Variants in GOLGB1 observed in about 807,000 individuals in gnomAD.
GOLGB1 encodes the protein golgin subfamily B member 1.
A neutral mutation model predicts 336.9 loss-of-function variants in GOLGB1; 174 were observed. The observed-to-expected ratio is 0.52, with a 90% CI of 0.46 to 0.59. The LOEUF is 0.59. GOLGB1 is among the 20% of genes least tolerant of loss of function. GOLGB1 has a pLI of 0.00. For synonymous variants in GOLGB1, 1,208 were observed against 1,289.2 expected, an observed-to-expected ratio of 0.94 and a Z score of 1.35; for missense variants, 3,331 against 3,645.3, an observed-to-expected ratio of 0.91 and a Z score of 2.22.
Position 121,696,122 on chromosome 3 carries a change from A to C in GOLGB1, c.4401T>G (p.Cys1467Trp), listed in dbSNP as rs1171747809. The change falls in exon 13 of 22, where the codon TGT (cysteine) becomes TGG (tryptophan). Residue 1467 changes from cysteine to tryptophan, a missense_variant. Cys to Trp is a radical substitution (Grantham distance 215). Coordinates refer to ENST00000614479, the MANE Select transcript of GOLGB1 (RefSeq NM_001366282.2). ...ERIKQLQVEL[C>W]EMKQKPEEIG... ...TCTCTTCTGGTTTTTGCTTCATTTC[A>C]CAAAGTTCCACCTGTAGCTGCTTTA... 6.2e-7 allele frequency: 1 copy of C among 1,613,812 alleles called. No individual in the cohort carries two copies. The highest frequency in any genetic ancestry group is 2.2e-5 in the East Asian group (1 of 44,886).
chr3:121,729,293 A>G lies in GOLGB1; in HGVS notation c.297T>C (p.His99=). Residue 99 remains histidine, a synonymous_variant, in exon 4 of 22, where the codon CAT becomes CAC. Transcript: ENST00000614479. The stretch of plus-strand genomic sequence containing the variant: ...TCAAAGAAGTTAATTTGGCCTTCGC[A>G]TGAAGTTTTAGTTTTTTAATTTTGT... ...ADNKIKKLKL[H]AKAKLTSLNK... 1 of 1,613,038 alleles carries G rather than the reference A, an allele frequency of 6.2e-7. No homozygotes were observed. Among genetic ancestry groups the G allele is most frequent in the Non-Finnish European group, 8.5e-7 (1 of 1,179,158 alleles).
intron 10 of GOLGB1, 64 bp downstream of exon 10, chr3:121,714,797 C>G: frequency 9.9e-7 from 1 of 1,012,296 alleles, no homozygotes; most frequent in Non-Finnish European, 1.6e-6. Flanking sequence ...CTCATTAGAG[C>G]ACCGAAGTAC....
At chr3:121,677,215 A>C (rs982039541) in intron 16 of GOLGB1, 70 bp downstream of exon 16, 17 of 1,348,938 alleles carry the variant, frequency 1.3e-5, no homozygotes, top group Admixed American at 2.1e-5. Flanking sequence ...AAAAAAAACA[A>C]AACCCTGCAA....
rs1560238364 is a variant in GOLGB1, at chr3:121,697,109, A to G, written c.3414T>C (p.Ser1138=). 8 of 1,613,976 alleles carry G rather than the reference A, an allele frequency of 5.0e-6. No individual in the cohort carries two copies. Among genetic ancestry groups the G allele is most frequent in the Non-Finnish European group, 6.8e-6 (8 of 1,179,966 alleles). ...QKLITSNTDA[S]DGDSVALVKE... ...TTACAAGTGCTACGGAGTCCCCATC[A>G]CTTGCATCCGTGTTACTTGTGATTA... Residue 1138 remains serine (S), a synonymous_variant, in exon 13 of 22, where the codon AGT becomes AGC. Coordinates refer to ENST00000614479, the MANE Select transcript of GOLGB1 (RefSeq NM_001366282.2).
rs569617472 is a variant in GOLGB1, at chr3:121,745,322, G to A, written c.-3+4310C>T. ...TGTATGTATATATACATATGTACAC[G>A]TGTATGTATATATACATATGTACAC... is the stretch of plus-strand genomic sequence containing the variant. On this transcript the variant is annotated intron_variant, in intron 1 of 21. Transcript: ENST00000614479. Among the ~76,000 whole-genome samples the A allele has an allele frequency of 3.5e-4, 51 of 147,390 alleles. 1 individual carries two copies. Among genetic ancestry groups the A allele is most frequent in the African/African-American group, 1.1e-3 (43 of 39,602 alleles).
At chr3:121,707,606 C>T (rs1051564132) in intron 10 of GOLGB1, among the ~76,000 whole-genome samples, 1 of 149,942 alleles carries the variant, frequency 6.7e-6, no homozygotes, top group Non-Finnish European at 1.5e-5. Flanking sequence ...GCACTGTAGC[C>T]TGGGTGACAA....
At chr3:121,701,678 A>G (rs1943423086) in intron 11 of GOLGB1, among the ~76,000 whole-genome samples, 2 of 152,140 alleles carry the variant, frequency 1.3e-5, no homozygotes, top group South Asian at 4.1e-4. Context: ...ACAATCCAAT[A>G]GGATAAAATG....
rs201970178 is a variant in GOLGB1, at chr3:121,691,396, A to T, written c.7968T>A (p.Ser2656=). 6 of 1,613,618 alleles carry T rather than the reference A, an allele frequency of 3.7e-6. No individual in the cohort carries two copies. In the Admixed American group the frequency reaches 6.7e-5, roughly 18 times the overall value. The change falls in exon 14 of 22, where the codon TCT becomes TCA. Residue 2656 remains serine (S), a synonymous_variant. Coordinates refer to ENST00000614479, the MANE Select transcript of GOLGB1 (RefSeq NM_001366282.2). ...CTTCCAGTTCTGCAATTCTCTTTTG[A>T]GAGGAGGAAAACAAAGCACTTAACC... The part of the protein sequence containing the change: ...VHRLSALFSS[S]QKRIAELEEE...
intron 5 of GOLGB1, among the ~76,000 whole-genome samples, chr3:121,724,184 A>G (rs896312156): frequency 6.6e-6 from 1 of 152,210 alleles, no homozygotes; most frequent in Non-Finnish European, 1.5e-5. Flanking sequence ...AGCTCAAAAA[A>G]AAAATGCCTA....
rs1385693496 is a variant in GOLGB1 at position 121,696,771 on chromosome 3, C to T, written c.3752G>A (p.Gly1251Glu). The stretch of plus-strand genomic sequence containing the variant: ...CTGCTGGTCTGTGCTTGGGAGTTTT[C>T]CGTCTATGGATTCCCTTACTTGAAT... ...LQIQVRESID[G>E]KLPSTDQQES... Residue 1251 changes from glycine to glutamate, a missense_variant, in exon 13 of 22, where the codon GGA becomes GAA. Coordinates refer to ENST00000614479, the MANE Select transcript of GOLGB1 (RefSeq NM_001366282.2). 8 of 1,613,960 alleles carry T rather than the reference C, an allele frequency of 5.0e-6. No homozygotes were observed. The highest frequency in any genetic ancestry group is 6.8e-6 in the Non-Finnish European group (8 of 1,179,988).
At chr3:121,705,319 T>G (rs1210924515) in intron 10 of GOLGB1, among the ~76,000 whole-genome samples, 1 of 152,240 alleles carries the variant, frequency 6.6e-6, no homozygotes. Flanking sequence ...ACCCAATAGA[T>G]GACTTTTGCT....
At chr3:121,740,439 T>C (rs1449357757) in intron 1 of GOLGB1, among the ~76,000 whole-genome samples, 1 of 152,152 alleles carries the variant, frequency 6.6e-6, no homozygotes, top group Admixed American at 6.5e-5. Flanking sequence ...CTGAATTGAA[T>C]CCTGGAACAG....
Position 121,694,734 on chromosome 3 carries a change from C to T in GOLGB1, c.5789G>A (p.Arg1930Lys). Residue 1930 changes from arginine to lysine, a missense_variant, in exon 13 of 22, where the codon AGG becomes AAG. Arg to Lys is a conservative substitution (Grantham distance 26). Transcript: ENST00000614479. ...AEEEKDDLEE[R>K]LMNQLAELNG... The stretch of plus-strand genomic sequence containing the variant: ...AAGTTCTGCTAATTGATTCATAAGC[C>T]TCTCTTCCAAATCATCTTTCTCTTC... 6.2e-7 allele frequency: 1 copy of T among 1,612,432 alleles called. No individual in the cohort carries two copies. Among genetic ancestry groups the T allele is most frequent in the Non-Finnish European group, 8.5e-7 (1 of 1,179,910 alleles).
chr3:121,705,965 C>T (rs1943782663), intron 10 of GOLGB1, among the ~76,000 whole-genome samples: 1 of 152,026 alleles, frequency 6.6e-6, no homozygotes, highest in Non-Finnish European at 1.5e-5. Flanking sequence ...TCTGAAAGGA[C>T]CAAGTTTTTT....
rs373840289 is a variant in GOLGB1 at position 121,691,931 on chromosome 3, C to T, written c.7433G>A (p.Arg2478Gln). 9.9e-6 allele frequency: 16 copies of T among 1,614,062 alleles called. No individual in the cohort carries two copies. The Admixed American group carries it at 1.0e-4, about 10-fold the overall frequency. Residue 2478 changes from arginine (R) to glutamine (Q), a missense_variant, in exon 14 of 22, where the codon CGA becomes CAA. Arg to Gln is a conservative substitution (Grantham distance 43, BLOSUM62 1). Transcript: ENST00000614479. ...VKSMSSLQND[R>Q]DRIVGDYQQL... ...TTGATAGTCACCCACTATGCGGTCTCGATCATTTTGGAGAGAAGACATGGA... is the reference window on the plus strand; with the variant it reads ...TTGATAGTCACCCACTATGCGGTCTTGATCATTTTGGAGAGAAGACATGGA...
rs1942869696 is a variant in GOLGB1, at chr3:121,695,603, C to A, written c.4920G>T (p.Val1640=). The change falls in exon 13 of 22, where the codon GTG becomes GTT. Residue 1640 remains valine, a synonymous_variant. Coordinates refer to ENST00000614479, the MANE Select transcript of GOLGB1 (RefSeq NM_001366282.2). ...GTTTCTCTTGCCTCACAGCTTCCAC[C>A]ACATGCTGAATCCTTTCTGCTTCAT... ...VSNEAERIQH[V]VEAVRQEKQE... is the part of the protein sequence containing the mutation. 1.2e-6 allele frequency: 2 copies of A among 1,614,052 alleles called. No homozygotes were observed. Among genetic ancestry groups the A allele is most frequent in the Non-Finnish European group, 1.7e-6 (2 of 1,180,002 alleles).
rs1220431108 is a variant in GOLGB1 at position 121,690,756 on chromosome 3, A to G, written c.8608T>C (p.Ser2870Pro). The change falls in exon 14 of 22, where the codon TCT becomes CCT. Residue 2870 changes from serine (S) to proline (P), a missense_variant. By Grantham distance (74) the Ser-to-Pro change is moderately conservative. Coordinates refer to ENST00000614479, the MANE Select transcript of GOLGB1 (RefSeq NM_001366282.2). ...FRKSEEGKQR[S>P]AAQPSTSPAE... ...GGGCTGGTGGAAGGCTGAGCTGCAG[A>G]CCTCTGCTTCCCTTCCTCTGACTTT... The G allele has an allele frequency of 2.5e-6, 4 of 1,575,094 alleles. No homozygotes were observed. Among genetic ancestry groups the G allele is most frequent in the Non-Finnish European group, 3.4e-6 (4 of 1,164,168 alleles).
chr3:121,739,670 C>G (rs1355611406), intron 1 of GOLGB1, among the ~76,000 whole-genome samples: 1 of 151,666 alleles, frequency 6.6e-6, no homozygotes, highest in African/African-American at 2.4e-5. Context: ...ACCTAAAAAA[C>G]TAGATATGCA....
At chr3:121,728,331 T>C (rs886123942) in intron 4 of GOLGB1, among the ~76,000 whole-genome samples, 2 of 152,098 alleles carry the variant, frequency 1.3e-5, no homozygotes, top group East Asian at 1.9e-4. Flanking sequence ...AGAAAACTGA[T>C]TAAAATCTCA....
Sources: gnomAD v4.1 joint callset for allele counts (sites outside exome capture counted in the v4.1 genomes callset) on GRCh38, gnomAD v4.1.1 for gene constraint, MANE v1.5 for transcripts, NCBI Gene and HGNC (gene_info 2026-07-23, HGNC 2026-07-21) for gene names.